Variants in SLCO1A2 observed in about 807,000 individuals in gnomAD.
SLCO1A2 encodes solute carrier organic anion transporter family member 1A2.
SLCO1A2 carries 67 observed loss-of-function variants against 69.0 expected under a neutral mutation model. That is an observed-to-expected ratio of 0.97 (90% CI 0.80 to 1.19). The LOEUF (loss-of-function observed/expected upper bound fraction) is 1.19, where lower values mean the gene tolerates loss of function less well. Among genes scored for constraint, SLCO1A2 ranks in the 50% most tolerant of loss-of-function variants. SLCO1A2 has a pLI of 0.00. For missense variants in SLCO1A2, 787 were observed against 793.7 expected (o/e 0.99, Z 0.10); for synonymous variants, 260 against 265.9 (o/e 0.98, Z 0.22).
At chr12:21,396,678 C>G (rs187752149), upstream of SLCO1A2, among the ~76,000 whole-genome samples, 90 of 152,288 alleles carry the variant, frequency 5.9e-4, 1 homozygote, top group African/African-American at 2.0e-3. Context: ...GATCTCTCAG[C>G]AGAAACCCTA....
chr12:21,271,418 T>G (rs945981904), intron 14 of SLCO1A2, among the ~76,000 whole-genome samples: 2 of 151,584 alleles, frequency 1.3e-5, no homozygotes, highest in African/African-American at 4.8e-5. Context: ...AAAAGTCCCT[T>G]TTGAATTTTA....
chr12:21,376,637 T>C (rs537514283), intron 1 of SLCO1A2, among the ~76,000 whole-genome samples: 83 of 151,960 alleles, frequency 5.5e-4, no homozygotes, highest in African/African-American at 2.0e-3. Context: ...TTTCTGTACT[T>C]AGGAAGAAAT....
chr12:21,295,326 C>T, intron 10 of SLCO1A2: 2 of 304,996 alleles, frequency 6.6e-6, no homozygotes, highest in Non-Finnish European at 1.2e-5. Context: ...ATAATGTCTA[C>T]TCGGATATCA....
At chr12:21,293,566 AAT>A (rs550783098) in intron 11 of SLCO1A2, among the ~76,000 whole-genome samples, 6 of 104,814 alleles carry the variant, frequency 5.7e-5, no homozygotes, top group Admixed American at 1.7e-4. Context: ...TACACAGAAA[AAT>A]ATATATATAT....
chr12:21,340,867 C>T (rs996105600), intron 2 of SLCO1A2, among the ~76,000 whole-genome samples: 4 of 151,826 alleles, frequency 2.6e-5, no homozygotes, highest in African/African-American at 9.7e-5. Context: ...AGGGCTAGCA[C>T]CAAGTTGGAA....
chr12:21,292,113 A>G, intron 12 of SLCO1A2, 51 bp downstream of exon 12: 1 of 1,332,664 alleles, frequency 7.5e-7, no homozygotes, highest in Non-Finnish European at 1.0e-6. Context: ...AGAACAAGCT[A>G]CCTTAATAAA....
chr12:21,277,870 C>T (rs138746313), intron 12 of SLCO1A2, among the ~76,000 whole-genome samples: 2 of 152,196 alleles, frequency 1.3e-5, no homozygotes, highest in African/African-American at 4.8e-5. Flanking sequence ...CCTACCAGGC[C>T]AGGGTCTGGT....
intron 2 of SLCO1A2, among the ~76,000 whole-genome samples, chr12:21,326,321 A>G (rs1467784449): frequency 6.6e-6 from 1 of 152,160 alleles, no homozygotes; most frequent in African/African-American, 2.4e-5. Context: ...AAATTGGTAC[A>G]GAGAGTGGAG....
upstream of SLCO1A2, among the ~76,000 whole-genome samples, chr12:21,396,522 C>T (rs60731538): frequency 0.059 from 8,783 of 148,814 alleles, 350 homozygotes; most frequent in African/African-American, 0.11. Context: ...ATACAGAGAA[C>T]GCCACAAAGA....
At chr12:21,408,213 C>A (rs73065877) in intron 1 of SLCO1A2, among the ~76,000 whole-genome samples, 3 of 152,056 alleles carry the variant, frequency 2.0e-5, no homozygotes, top group African/African-American at 7.2e-5. Context: ...ATATGACAAA[C>A]GAATTTATTA....
In SLCO1A2 at chr12:21,319,597, G is replaced by A. The variant is rs182995838; in HGVS notation, c.61-674C>T. On this transcript the variant is annotated intron_variant, in intron 2 of 14. Transcript: ENST00000683939. ...TTTCTCAGCTGCAGTGTAAATGGAG[G>A]ACCACACAAAAATGAGACTCCATTT... 1.9e-5 allele frequency: 11 copies of A among 571,026 alleles called. No homozygotes were observed. In the East Asian group the frequency reaches 5.4e-4, roughly 28 times the overall value. 35.4% of individuals were successfully genotyped at this position (571,026 alleles called of 1,614,324 possible).
At chr12:21,401,030 TA>T (rs758293561) in intron 1 of SLCO1A2, among the ~76,000 whole-genome samples, 15 of 140,068 alleles carry the variant, frequency 1.1e-4, no homozygotes, top group Admixed American at 3.5e-4. Context: ...AGTATAATAA[TA>T]AAAAAAAAGA....
At chr12:21,387,361 C>T (rs1940931307) in intron 1 of SLCO1A2, among the ~76,000 whole-genome samples, 1 of 152,168 alleles carries the variant, frequency 6.6e-6, no homozygotes, top group South Asian at 2.1e-4. Context: ...CCATCCCAGG[C>T]CCTGAGGCCT....
At chr12:21,302,555 A>AT (rs34875372) in intron 6 of SLCO1A2, among the ~76,000 whole-genome samples, 23,329 of 140,740 alleles carry the variant, frequency 0.17, 2,061 homozygotes, top group East Asian at 0.38. Context: ...TTACCTCTCC[A>AT]TTTTTTTTTT....
At chr12:21,300,626 ATAGAAAAT>A in intron 7 of SLCO1A2, 57 bp from the exon 8 acceptor site, 1 of 1,286,360 alleles carries the variant, frequency 7.8e-7, no homozygotes. Context: ...TGTATGAACT[ATAGAAAAT>A]TATTAAAATT....
chr12:21,362,715 C>A (rs1939018597), intron 2 of SLCO1A2, among the ~76,000 whole-genome samples: 1 of 151,886 alleles, frequency 6.6e-6, no homozygotes, highest in Non-Finnish European at 1.5e-5. Context: ...ATCTACCAAG[C>A]AAATGGAAAA....
intron 1 of SLCO1A2, among the ~76,000 whole-genome samples, chr12:21,413,312 C>A (rs968552174): frequency 4.4e-5 from 6 of 134,896 alleles, no homozygotes; most frequent in African/African-American, 1.7e-4. Flanking sequence ...ATTCTCTGTT[C>A]ACTGCAACCT....
At chr12:21,401,533 G>T (rs954111404) in intron 1 of SLCO1A2, among the ~76,000 whole-genome samples, 1 of 151,548 alleles carries the variant, frequency 6.6e-6, no homozygotes, top group Non-Finnish European at 1.5e-5. Flanking sequence ...TCCTAAATAA[G>T]TATAAATATG....
intron 2 of SLCO1A2, among the ~76,000 whole-genome samples, chr12:21,347,665 A>AAGAAAGGAAGG (rs1565510400): frequency 6.3e-4 from 4 of 6,390 alleles, no homozygotes; most frequent in African/African-American, 1.2e-3. Context: ...AAGAAGAAAG[A>AAGAAAGGAAGG]AAGAAAGGAA....
Sources: allele counts gnomAD v4.1 joint callset (sites outside exome capture counted in the v4.1 genomes callset), GRCh38; gene constraint gnomAD v4.1.1; transcripts MANE v1.5; gene names NCBI Gene and HGNC (gene_info 2026-07-23, HGNC 2026-07-21).